The following PHKB variants were observed in gnomAD, a reference collection of about 807,000 sequenced individuals.
PHKB encodes phosphorylase kinase regulatory subunit beta, also known as phosphorylase b kinase regulatory subunit beta.
In PHKB, 122 loss-of-function variants were observed where a neutral mutation model predicts 152.1. That is an observed-to-expected ratio of 0.80 (90% CI 0.69 to 0.93). PHKB has a LOEUF of 0.93. PHKB is among the 40% of genes least tolerant of loss of function. The probability of loss-of-function intolerance (pLI) is 0.00; values close to 1 mark genes in which losing one functional copy is unlikely to be tolerated. For synonymous variants in PHKB, 436 were observed against 464.9 expected, an observed-to-expected ratio of 0.94 and a Z score of 0.80; for missense variants, 1,304 against 1,328.4, an observed-to-expected ratio of 0.98 and a Z score of 0.29.
chr16:47,462,391 T>C (rs920824151), intron 1 of PHKB: 1 of 152,244 alleles, frequency 6.6e-6, no homozygotes, highest in African/African-American at 2.4e-5. Flanking sequence ...CCCAGCACTT[T>C]GGGAGGCCGA....
chr16:47,570,634 GT>G (rs905025211), intron 7 of PHKB, among the ~76,000 whole-genome samples: 73 of 140,302 alleles, frequency 5.2e-4, no homozygotes, highest in African/African-American at 1.4e-3. Context: ...CAGAAGTTCT[GT>G]TTTTTTTTTA....
intron 7 of PHKB, among the ~76,000 whole-genome samples, chr16:47,557,983 C>T (rs1971407381): frequency 1.3e-5 from 2 of 151,720 alleles, no homozygotes; most frequent in Admixed American, 6.6e-5. Flanking sequence ...TGGAACCAAC[C>T]CAAATGTCCA....
chr16:47,518,827 A>C (rs777284877), intron 6 of PHKB, among the ~76,000 whole-genome samples: 5 of 152,182 alleles, frequency 3.3e-5, no homozygotes, highest in Non-Finnish European at 7.3e-5. Flanking sequence ...TAACTTATTT[A>C]CATCTGTTGG....
At chr16:47,674,383 C>T (rs1973691090) in intron 26 of PHKB, among the ~76,000 whole-genome samples, 1 of 152,050 alleles carries the variant, frequency 6.6e-6, no homozygotes, top group Admixed American at 6.6e-5. Context: ...TGGTTTTTGC[C>T]ATTGAAAGTA....
At chr16:47,635,216 G>A (rs907522115) in intron 14 of PHKB, among the ~76,000 whole-genome samples, 8 of 152,236 alleles carry the variant, frequency 5.3e-5, no homozygotes, top group East Asian at 3.9e-4. Flanking sequence ...ATTGGATTGC[G>A]CATGTTTGAA....
At chr16:47,631,422 A>C (rs1972824572) in intron 14 of PHKB, among the ~76,000 whole-genome samples, 2 of 152,236 alleles carry the variant, frequency 1.3e-5, no homozygotes, top group Non-Finnish European at 2.9e-5. Context: ...AGATGTATTA[A>C]TTCCTTAACA....
intron 1 of PHKB, chr16:47,463,952 C>G (rs1429658602): frequency 6.2e-7 from 1 of 1,613,916 alleles, no homozygotes; most frequent in Non-Finnish European, 8.5e-7. Flanking sequence ...GCCTGCTCAC[C>G]TGATGCAGTC....
chr16:47,488,332 G>A lies in PHKB; in HGVS notation c.77-9067G>A, dbSNP rs1028933981. Among the ~76,000 whole-genome samples the A allele has an allele frequency of 5.9e-5, 9 of 152,194 alleles. No individual in the cohort carries two copies. The East Asian group carries it at 9.7e-4, about 16-fold the overall frequency. Reference sequence around the variant, plus strand: ...TTTGTTTAAATTGCTTACAGATTCTGGATATTAGACCTTTGTTGGATGCAG... The same window carrying A: ...TTTGTTTAAATTGCTTACAGATTCTAGATATTAGACCTTTGTTGGATGCAG... On this transcript the variant is annotated intron_variant, in intron 1 of 30. Transcript: ENST00000323584.
At chr16:47,556,071 T>C (rs1274864214) in intron 7 of PHKB, among the ~76,000 whole-genome samples, 2 of 152,130 alleles carry the variant, frequency 1.3e-5, no homozygotes, top group African/African-American at 4.8e-5. Context: ...ATTTGGCTGT[T>C]TGTCTGTTAT....
In PHKB at chr16:47,515,078, T is replaced by G. The variant is rs1038712238; in HGVS notation, c.514-443T>G. On this transcript the variant is annotated intron_variant, in intron 5 of 30. Transcript: ENST00000323584. Reference sequence around the variant, plus strand: ...GTGTCTTGCTTACCAAATATCTTTTTTCATTTCCATGTATTTGAGATGGAT... The same window carrying G: ...GTGTCTTGCTTACCAAATATCTTTTGTCATTTCCATGTATTTGAGATGGAT... 3.9e-5 allele frequency among the ~76,000 whole-genome samples: 6 copies of G among 152,242 alleles called. No homozygotes were observed. The South Asian group carries it at 1.2e-3, about 31-fold the overall frequency.
intron 1 of PHKB, among the ~76,000 whole-genome samples, chr16:47,489,366 A>G (rs1022742506): frequency 2.6e-5 from 4 of 152,198 alleles, no homozygotes; most frequent in African/African-American, 9.7e-5. Flanking sequence ...TTCCTCCAGT[A>G]CTCATTTTTG....
intron 20 of PHKB, among the ~76,000 whole-genome samples, chr16:47,657,165 C>T (rs1252951174): frequency 6.6e-6 from 1 of 152,086 alleles, no homozygotes; most frequent in Non-Finnish European, 1.5e-5. Context: ...GCCTGCCTCG[C>T]TCTGTGGTTT....
At chr16:47,666,408 A>G (rs1229019024) in intron 25 of PHKB, among the ~76,000 whole-genome samples, 1 of 152,128 alleles carries the variant, frequency 6.6e-6, no homozygotes, top group Admixed American at 6.6e-5. Flanking sequence ...AGATCTCCCC[A>G]CTTAGAAAGC....
At chr16:47,495,220 G>T in intron 1 of PHKB, among the ~76,000 whole-genome samples, 1 of 147,044 alleles carries the variant, frequency 6.8e-6, no homozygotes, top group African/African-American at 2.5e-5. Context: ...AAAATTAGAT[G>T]ACAGAATCAC....
At chr16:47,613,055 G>A (rs1033663291) in intron 14 of PHKB, among the ~76,000 whole-genome samples, 1 of 152,130 alleles carries the variant, frequency 6.6e-6, no homozygotes, top group South Asian at 2.1e-4. Flanking sequence ...AAAGTAAATA[G>A]GGAATAGTAA....
chr16:47,569,404 G>A (rs950241417), intron 7 of PHKB, among the ~76,000 whole-genome samples: 1 of 152,028 alleles, frequency 6.6e-6, no homozygotes, highest in Admixed American at 6.5e-5. Flanking sequence ...CTTTCTATGG[G>A]TTAGGTGGGT....
chr16:47,556,296 T>C (rs1334234477), intron 7 of PHKB, among the ~76,000 whole-genome samples: 1 of 152,196 alleles, frequency 6.6e-6, no homozygotes, highest in Non-Finnish European at 1.5e-5. Flanking sequence ...CCAGAACTTT[T>C]AACACTATGT....
chr16:47,624,372 C>A (rs937729710), intron 14 of PHKB, among the ~76,000 whole-genome samples: 1 of 152,104 alleles, frequency 6.6e-6, no homozygotes, highest in African/African-American at 2.4e-5. Flanking sequence ...GAATGAATAA[C>A]CCTATGTAGC....
intron 7 of PHKB, among the ~76,000 whole-genome samples, chr16:47,567,250 C>G (rs949950177): frequency 2.0e-5 from 3 of 151,906 alleles, no homozygotes; most frequent in Non-Finnish European, 4.4e-5. Flanking sequence ...CCATTTGTGT[C>G]ATCTTTGATT....
Sources: gnomAD v4.1 joint callset for allele counts (sites outside exome capture counted in the v4.1 genomes callset) on GRCh38, gnomAD v4.1.1 for gene constraint, MANE v1.5 for transcripts, NCBI Gene and HGNC (gene_info 2026-07-23, HGNC 2026-07-21) for gene names.